Variants in STMN1 observed in about 807,000 individuals in gnomAD.
STMN1 encodes stathmin 1, also known as stathmin.
In STMN1, 3 loss-of-function variants were observed where a neutral mutation model predicts 19.7. The ratio of observed to expected loss-of-function variants is 0.15; its 90% CI spans 0.07 to 0.39. The LOEUF (loss-of-function observed/expected upper bound fraction) is 0.39. Among genes scored for constraint, STMN1 ranks in the 10% least tolerant of loss-of-function variants. The pLI, the probability that STMN1 is intolerant of heterozygous loss-of-function variation, is 1.00. For missense variants in STMN1, 99 were observed against 176.0 expected (o/e 0.56, Z 2.48); for synonymous variants, 59 against 58.9 (o/e 1.00, Z -0.01).
At chr1:25,891,440 G>A (rs935177645) in intron 4 of STMN1, among the ~76,000 whole-genome samples, 1 of 152,120 alleles carries the variant, frequency 6.6e-6, no homozygotes, top group Non-Finnish European at 1.5e-5. Context: ...GAAAAGAGAG[G>A]AGGGAGAAAT....
At chr1:25,901,257 T>C (rs2048870528) in intron 4 of STMN1, 170 bp from the exon 5 acceptor site, 1 of 1,283,710 alleles carries the variant, frequency 7.8e-7, no homozygotes, top group Non-Finnish European at 1.0e-6. Flanking sequence ...TCATCAAATC[T>C]CCTGGGTCCC....
downstream of STMN1, among the ~76,000 whole-genome samples, chr1:25,898,537 G>A (rs1221641919): frequency 6.6e-6 from 1 of 152,140 alleles, no homozygotes; most frequent in African/African-American, 2.4e-5. Context: ...CCAGTGTGGA[G>A]CACAATCTAG....
chr1:25,902,530 G>C (rs2048887542), intron 3 of STMN1: 1 of 152,234 alleles, frequency 6.6e-6, no homozygotes, highest in Admixed American at 6.5e-5. Flanking sequence ...CCCTTCAACA[G>C]AACAGCTTGT....
intron 4 of STMN1, chr1:25,892,415 T>A: frequency 6.7e-6 from 2 of 298,714 alleles, no homozygotes; most frequent in Non-Finnish European, 9.8e-6. Flanking sequence ...ATAAAATCTC[T>A]GCCCTGCCTC....
At chr1:25,905,615 G>C (rs545463443) in intron 1 of STMN1, 10 of 152,148 alleles carry the variant, frequency 6.6e-5, no homozygotes, top group African/African-American at 1.4e-4. Context: ...TCAACACCCC[G>C]GAGCCCGCGC....
chr1:25,892,307 T>G (rs980723811), intron 4 of STMN1, among the ~76,000 whole-genome samples: 22 of 151,624 alleles, frequency 1.5e-4, no homozygotes, highest in African/African-American at 5.3e-4. Flanking sequence ...AAGAATTGCT[T>G]AAACCCAGGA....
Position 25,906,292 on chromosome 1 carries a change from C to A in STMN1, c.-63+97G>T, listed in dbSNP as rs1383591585. The A allele has an allele frequency of 6.6e-6, 1 of 151,030 alleles. No homozygotes were observed. Among genetic ancestry groups the A allele is most frequent in the African/African-American group, 2.4e-5 (1 of 40,944 alleles). The allele number at this position is 151,030 out of a possible 1,614,324, so 9.4% of individuals were successfully genotyped here. On this transcript the variant is annotated intron_variant, in intron 1 of 4. Coordinates refer to ENST00000455785, the MANE Select transcript of STMN1 (RefSeq NM_005563.4). The surrounding 1 kb of genome is among the most constrained non-coding windows in gnomAD (Gnocchi z 4.5). Reference sequence around the variant, plus strand: ...GCCCGCAGCCCCGCCCGCCGCCCTGCAGCAGGGGGTCGCTGCCACGGCCCA... The same window carrying A: ...GCCCGCAGCCCCGCCCGCCGCCCTGAAGCAGGGGGTCGCTGCCACGGCCCA...
At position 25,901,493 on chromosome 1, in the gene STMN1, T is replaced by C; in HGVS notation, c.376A>G (p.Lys126Glu). ...CTTTTACAAAGTAAGAAACCAACCT[T>C]CTCTCGCAAACGTTCCAGTTTGGCA... Reference protein sequence around the residue: ...MAAKLERLREKDKHIEEVRKN... With the variant: ...MAAKLERLREEDKHIEEVRKN... The change falls in exon 4 of 5, where the codon AAG (lysine) becomes GAG (glutamate). Residue 126 changes from lysine (K) to glutamate (E), a missense_variant and splice_region_variant. Physicochemically the swap from Lys to Glu is moderately conservative, Grantham distance 56. Around this residue, in one of 3 missense-constraint regions of STMN1, gnomAD observed 54 missense variants for 79.4 expected, o/e 0.68. Coordinates refer to ENST00000455785, the MANE Select transcript of STMN1 (RefSeq NM_005563.4). The C allele has an allele frequency of 2.5e-6, 4 of 1,605,260 alleles. No individual in the cohort carries two copies. Among genetic ancestry groups the C allele is most frequent in the Non-Finnish European group, 2.5e-6 (3 of 1,176,886 alleles).
chr1:25,901,419 G>C (rs944545744), intron 4 of STMN1, 72 bp downstream of exon 4: 3 of 1,495,940 alleles, frequency 2.0e-6, no homozygotes, highest in Non-Finnish European at 2.7e-6. Context: ...TTTTATCAAA[G>C]CACTTAGTTC....
intron 1 of STMN1, chr1:25,905,876 C>A (rs1424429992): frequency 2.6e-5 from 4 of 152,328 alleles, no homozygotes; most frequent in African/African-American, 9.6e-5. Flanking sequence ...GCTGTCCGCG[C>A]GTCCGGCCGC....
chr1:25,896,467 GGCT>G (rs2048819165), downstream of STMN1, among the ~76,000 whole-genome samples: 1 of 152,094 alleles, frequency 6.6e-6, no homozygotes, highest in South Asian at 2.1e-4. Context: ...CTGCTGAGAT[GGCT>G]GCTATGAGGT....
intron 3 of STMN1, chr1:25,903,129 T>G (rs2048894539): frequency 6.6e-6 from 1 of 152,284 alleles, no homozygotes; most frequent in South Asian, 2.1e-4. Flanking sequence ...GATTAGCTTT[T>G]AAAGATAGTT....
downstream of STMN1, chr1:25,900,008 G>A (rs2048853244): frequency 7.3e-6 from 6 of 824,038 alleles, no homozygotes; most frequent in African/African-American, 1.9e-5. Flanking sequence ...TGACAATGGG[G>A]ACTATTACAG....
At position 25,900,273 on chromosome 1, in the gene STMN1, G is replaced by A. The variant is rs1268902413; in HGVS notation, c.*743C>T. 8.1e-6 allele frequency: 8 copies of A among 985,832 alleles called. No individual in the cohort carries two copies. The highest frequency in any genetic ancestry group is 5.2e-4 in the Middle Eastern group (1 of 1,914). 61.1% of individuals were successfully genotyped at this position (985,832 alleles called of 1,614,324 possible). A position where few individuals can be genotyped will look rare whatever the true frequency, so the allele number is the denominator to read the frequency against. Reference sequence around the variant, plus strand: ...TCTCTCAACTGTTCTCTAGAAACACGCTTGTGCTTTTAATCTGCCTTTTAA... The same window carrying A: ...TCTCTCAACTGTTCTCTAGAAACACACTTGTGCTTTTAATCTGCCTTTTAA... On this transcript the variant is annotated 3_prime_UTR_variant, in exon 5 of 5. Transcript: ENST00000455785.
chr1:25,900,653 A>G lies in STMN1; in HGVS notation c.*363T>C. On this transcript the variant is annotated 3_prime_UTR_variant, in exon 5 of 5. Coordinates refer to ENST00000455785, the MANE Select transcript of STMN1 (RefSeq NM_005563.4). ...AGAATTGGGATTGAAAAGTGAACAG[A>G]TATTCAGCATCTAACAGTTCAAAAG... 9.9e-7 allele frequency: 1 copy of G among 1,009,332 alleles called. No individual in the cohort carries two copies. The allele number at this position is 1,009,332 out of a possible 1,614,324, so 62.5% of individuals were successfully genotyped here. A position where few individuals can be genotyped will look rare whatever the true frequency, so the allele number is the denominator to read the frequency against.
intron 4 of STMN1, among the ~76,000 whole-genome samples, chr1:25,888,123 T>C (rs1447796513): frequency 6.6e-6 from 1 of 152,188 alleles, no homozygotes. Flanking sequence ...AGCTGCTTTC[T>C]TAACCTTCCT....
intron 4 of STMN1, among the ~76,000 whole-genome samples, chr1:25,886,966 G>A (rs950611470): frequency 4.6e-5 from 7 of 151,956 alleles, no homozygotes; most frequent in East Asian, 3.9e-4. Context: ...GGCAGCCCTC[G>A]TTGACCGGTC....
chr1:25,904,772 T>C, intron 1 of STMN1, 34 bp from the exon 2 acceptor site: 2 of 1,560,060 alleles, frequency 1.3e-6, no homozygotes. Context: ...GCAATCACTT[T>C]CTTTGCCTTT....
chr1:25,886,332 A>G (rs1029908234), intron 4 of STMN1, among the ~76,000 whole-genome samples: 2 of 152,218 alleles, frequency 1.3e-5, no homozygotes, highest in African/African-American at 2.4e-5. Context: ...TCTATTCTCC[A>G]TCATTAGCTT....
Sources: gnomAD v4.1 joint callset for allele counts (sites outside exome capture counted in the v4.1 genomes callset) on GRCh38, gnomAD v4.1.1 for gene constraint, gnomAD v4.1.1 regional missense constraint, Gnocchi (gnomAD v3.1) non-coding constraint, MANE v1.5 for transcripts, NCBI Gene and HGNC (gene_info 2026-07-23, HGNC 2026-07-21) for gene names.